The following NAV2 variants were observed in gnomAD, a reference collection of about 807,000 sequenced individuals.
The protein encoded by NAV2 is helicase, APC down-regulated 1.
Under a neutral mutation model 223.2 loss-of-function variants are expected in NAV2, and 54 were observed. The observed-to-expected ratio is 0.24, with a 90% confidence interval of 0.19 to 0.30. NAV2 has a LOEUF of 0.30. Ranked by LOEUF, NAV2 falls within the 10% of genes least tolerant of loss-of-function variation. The pLI, the probability that NAV2 is intolerant of heterozygous loss-of-function variation, is 1.00. For synonymous variants in NAV2, 1,279 were observed against 1,239.3 expected (o/e 1.03, Z -0.67); for missense variants, 2,806 against 3,147.5 (o/e 0.89, Z 2.60).
intron 1 of NAV2, among the ~76,000 whole-genome samples, chr11:19,751,403 G>A (rs1351327854): frequency 6.6e-6 from 1 of 152,188 alleles, no homozygotes; most frequent in Non-Finnish European, 1.5e-5. Context: ...ATGGTAGCAA[G>A]GTGTGGGGTA....
In NAV2 at chr11:19,704,024, G is replaced by T. The variant is rs572227494; in HGVS notation, c.76-128460G>T. Among the ~76,000 whole-genome samples, 4 of 151,984 alleles carry T rather than the reference G, an allele frequency of 2.6e-5. No homozygotes were observed. The South Asian group carries it at 6.3e-4, about 24-fold the overall frequency. On this transcript the variant is annotated intron_variant, in intron 1 of 37. Coordinates refer to the NAV2 transcript ENST00000360655. ...GAATCCTAGGTCTGGTTTTTTTTGG[G>T]GGGGTGGAAGGGGGTAGGTATCTTT...
At chr11:19,457,974 T>A (rs1852015673) in intron 1 of NAV2, among the ~76,000 whole-genome samples, 1 of 151,284 alleles carries the variant, frequency 6.6e-6, no homozygotes, top group South Asian at 2.1e-4. Context: ...TGGCAGGGGG[T>A]CCTCCCTTCC....
intron 1 of NAV2, among the ~76,000 whole-genome samples, chr11:19,496,939 C>T (rs1342611967): frequency 2.6e-5 from 4 of 152,164 alleles, no homozygotes; most frequent in African/African-American, 4.8e-5. Flanking sequence ...TCATCGAGAC[C>T]TGGGGTTACC....
chr11:19,356,620 A>G (rs1853634840), intron 1 of NAV2, among the ~76,000 whole-genome samples: 1 of 152,208 alleles, frequency 6.6e-6, no homozygotes, highest in Non-Finnish European at 1.5e-5. Flanking sequence ...TGAAAGGCAC[A>G]CTGAAGAGAG....
At chr11:19,634,699 G>T (rs2047441658) in intron 1 of NAV2, among the ~76,000 whole-genome samples, 1 of 152,182 alleles carries the variant, frequency 6.6e-6, no homozygotes, top group Admixed American at 6.5e-5. Flanking sequence ...TGGGGGAAAT[G>T]GACAAGGGAA....
chr11:19,667,590 C>G (rs78507591), intron 1 of NAV2, among the ~76,000 whole-genome samples: 1 of 152,230 alleles, frequency 6.6e-6, no homozygotes, highest in East Asian at 1.9e-4. Context: ...AGCACAGGTC[C>G]TAGAACATAA....
At chr11:19,671,548 C>A (rs147898672) in intron 1 of NAV2, among the ~76,000 whole-genome samples, 41 of 152,286 alleles carry the variant, frequency 2.7e-4, no homozygotes, top group Non-Finnish European at 4.9e-4. Context: ...CAGCGAAGCT[C>A]CTTGTTGTCA....
intron 19 of NAV2, chr11:20,056,413 C>T: frequency 4.0e-6 from 3 of 747,184 alleles, no homozygotes; most frequent in Non-Finnish European, 6.9e-6. Flanking sequence ...TTTTTCATCT[C>T]CTTTCTCAAG....
chr11:19,364,827 T>C (rs1854169390), intron 1 of NAV2, among the ~76,000 whole-genome samples: 1 of 152,260 alleles, frequency 6.6e-6, no homozygotes, highest in African/African-American at 2.4e-5. Context: ...GATGTCATCA[T>C]GGAATTCTTT....
chr11:19,610,080 C>T (rs953205750), intron 1 of NAV2, among the ~76,000 whole-genome samples: 2 of 152,120 alleles, frequency 1.3e-5, no homozygotes, highest in Non-Finnish European at 2.9e-5. Context: ...TGCCATTCCT[C>T]GAGCAGAAAG....
chr11:19,843,165 C>A (rs564063417), intron 3 of NAV2, among the ~76,000 whole-genome samples: 1 of 152,264 alleles, frequency 6.6e-6, no homozygotes, highest in Admixed American at 6.5e-5. Flanking sequence ...TGTCCTTGTT[C>A]TTAGACACAA....
At chr11:19,467,298 A>G (rs1011263804) in intron 1 of NAV2, among the ~76,000 whole-genome samples, 1 of 152,214 alleles carries the variant, frequency 6.6e-6, no homozygotes, top group African/African-American at 2.4e-5. Context: ...TAACAAATCT[A>G]TTGACTACTG....
rs182155195 is a variant in NAV2 at position 19,623,559 on chromosome 11, G to A, written c.76-208925G>A. On this transcript the variant is annotated intron_variant, in intron 1 of 37. Coordinates refer to the NAV2 transcript ENST00000360655. ...CCCTTTCTTCCAGTTGATCGAATCC[G>A]CTACTGAAGCTTGTGCATTTGTCAC... 4.9e-4 allele frequency among the ~76,000 whole-genome samples: 75 copies of A among 152,116 alleles called. No homozygotes were observed. The East Asian group carries it at 6.2e-3, about 13-fold the overall frequency.
chr11:19,689,713 T>TCA (rs1236088326), intron 1 of NAV2, among the ~76,000 whole-genome samples: 1 of 152,340 alleles, frequency 6.6e-6, no homozygotes, highest in African/African-American at 2.4e-5. Flanking sequence ...GCAGATGAAT[T>TCA]CAGCTAATCA....
chr11:20,048,120 C>A (rs568142092), intron 14 of NAV2, among the ~76,000 whole-genome samples: 16 of 152,256 alleles, frequency 1.1e-4, no homozygotes, highest in African/African-American at 3.9e-4. Context: ...AGCAAGATTT[C>A]CATGTATGTC....
intron 1 of NAV2, among the ~76,000 whole-genome samples, chr11:19,766,160 C>T (rs1446769947): frequency 6.6e-6 from 1 of 151,904 alleles, no homozygotes; most frequent in Non-Finnish European, 1.5e-5. Flanking sequence ...ACAATTCTGC[C>T]ATGTGGCCAG....
chr11:19,951,766 C>T (rs1486384784), intron 10 of NAV2, among the ~76,000 whole-genome samples: 2 of 152,198 alleles, frequency 1.3e-5, no homozygotes, highest in African/African-American at 4.8e-5. Flanking sequence ...TTTACCTTTG[C>T]TTAAAAGCAC....
At chr11:19,797,563 A>T (rs1479685426) in intron 1 of NAV2, among the ~76,000 whole-genome samples, 1 of 152,014 alleles carries the variant, frequency 6.6e-6, no homozygotes, top group Non-Finnish European at 1.5e-5. Flanking sequence ...GGAAGATTTG[A>T]TTGACCTTCT....
At chr11:20,027,325 A>G (rs1024971605) in intron 11 of NAV2, 3 of 985,360 alleles carry the variant, frequency 3.0e-6, no homozygotes, top group Admixed American at 6.1e-5. Flanking sequence ...CACGGGAACA[A>G]TTGCCTTGAA....
Sources: gnomAD v4.1 joint callset for allele counts (sites outside exome capture counted in the v4.1 genomes callset) on GRCh38, gnomAD v4.1.1 for gene constraint, MANE v1.5 for transcripts, NCBI Gene and HGNC (gene_info 2026-07-23, HGNC 2026-07-21) for gene names.